The following ZNF215 variants were observed in gnomAD, a reference collection of about 807,000 sequenced individuals.
ZNF215 encodes the protein zinc finger protein 215, also known as BWSCR2-associated zinc finger protein 2.
In ZNF215, 24 loss-of-function variants were observed where a neutral mutation model predicts 27.2. That is an observed-to-expected ratio of 0.88 (90% CI 0.64 to 1.24). ZNF215 has a LOEUF of 1.24. Ranked by LOEUF, ZNF215 falls within the 50% of genes most tolerant of loss-of-function variation. The pLI is 0.00. For missense variants in ZNF215, 675 were observed against 605.7 expected, an observed-to-expected ratio of 1.11 and a Z score of -1.20; for synonymous variants, 210 against 204.0, an observed-to-expected ratio of 1.03 and a Z score of -0.25.
intron 5 of ZNF215, among the ~76,000 whole-genome samples, chr11:6,981,876 T>C (rs376301483): frequency 1.2e-4 from 18 of 152,138 alleles, no homozygotes; most frequent in East Asian, 1.2e-3. Context: ...ATCCTTTCCC[T>C]ATTGCTTGTT....
chr11:6,981,960 T>G (rs975117584), intron 5 of ZNF215, among the ~76,000 whole-genome samples: 10 of 152,204 alleles, frequency 6.6e-5, no homozygotes, highest in African/African-American at 2.4e-4. Flanking sequence ...TGTGTTCCAT[T>G]GATCGATATC....
At chr11:6,987,534 A>T (rs938702247), downstream of ZNF215, among the ~76,000 whole-genome samples, 28 of 152,212 alleles carry the variant, frequency 1.8e-4, no homozygotes, top group African/African-American at 6.8e-4. Context: ...AAAAGTTGAA[A>T]AAAGAAAAAA....
Position 6,957,773 on chromosome 11 carries a change from G to T in ZNF215, c.*1242G>T, listed in dbSNP as rs1448597656. On this transcript the variant is annotated 3_prime_UTR_variant, in exon 7 of 7. Coordinates refer to ENST00000278319, the MANE Select transcript of ZNF215 (RefSeq NM_013250.4). ...CTTTGGGAATTTAGGCTGGAGAGAC[G>T]TCCATAGCCTTAGGTATATCATTTA... 1.0e-6 allele frequency: 1 copy of T among 985,270 alleles called. No homozygotes were observed. The highest frequency in any genetic ancestry group is 1.2e-6 in the Non-Finnish European group (1 of 829,928). The allele number at this position is 985,270 out of a possible 1,614,324, so 61.0% of individuals were successfully genotyped here.
downstream of ZNF215, among the ~76,000 whole-genome samples, chr11:6,992,804 T>A (rs927064839): frequency 1.1e-4 from 16 of 151,334 alleles, no homozygotes; most frequent in African/African-American, 3.9e-4. Context: ...GTCACATTAT[T>A]GTTAAGTAAA....
Position 6,932,675 on chromosome 11 carries a change from A to G in ZNF215, c.400+3A>G, listed in dbSNP as rs1432294950. ...GATTGAAATGCTTGAAGATGAAGGTAAGAATATAAAGAAATTAGAGGTAAA... is the reference window on the plus strand; with the variant it reads ...GATTGAAATGCTTGAAGATGAAGGTGAGAATATAAAGAAATTAGAGGTAAA... On this transcript the variant is annotated splice_donor_region_variant and intron_variant, in intron 3 of 6. Coordinates refer to ENST00000278319, the MANE Select transcript of ZNF215 (RefSeq NM_013250.4). 1 of 1,587,516 alleles carries G rather than the reference A, an allele frequency of 6.3e-7. No individual in the cohort carries two copies. The highest frequency in any genetic ancestry group is 2.2e-5 in the East Asian group (1 of 44,632).
chr11:6,945,235 T>C (rs1344649635), intron 6 of ZNF215, among the ~76,000 whole-genome samples: 1 of 151,970 alleles, frequency 6.6e-6, no homozygotes, highest in East Asian at 1.9e-4. Flanking sequence ...ATACCCTCGG[T>C]CCCCGCTCCC....
chr11:6,984,938 A>C (rs1038835), downstream of ZNF215, among the ~76,000 whole-genome samples: 152,268 of 152,270 alleles, frequency 1, 76,133 homozygotes, highest in Middle Eastern at 1. Flanking sequence ...TGCACTGGTC[A>C]CGATGGATTC....
At chr11:6,972,602 T>C (rs9666866) in intron 5 of ZNF215, among the ~76,000 whole-genome samples, 61 of 152,298 alleles carry the variant, frequency 4.0e-4, no homozygotes, top group African/African-American at 1.4e-3. Context: ...TTTTAATAAA[T>C]GGATTTTAAA....
chr11:6,946,816 C>G (rs1366992517), intron 6 of ZNF215, among the ~76,000 whole-genome samples: 1 of 152,170 alleles, frequency 6.6e-6, no homozygotes, highest in African/African-American at 2.4e-5. Flanking sequence ...TTTACCCTAC[C>G]TGTACATCTC....
chr11:6,961,368 G>A (rs1020181569), downstream of ZNF215, among the ~76,000 whole-genome samples: 7 of 152,118 alleles, frequency 4.6e-5, no homozygotes, highest in African/African-American at 1.7e-4. Flanking sequence ...TAAGGCAAAT[G>A]TAAGGTGTAG....
chr11:6,989,091 G>T (rs1384209717), downstream of ZNF215, among the ~76,000 whole-genome samples: 1 of 147,510 alleles, frequency 6.8e-6, no homozygotes, highest in African/African-American at 2.5e-5. Flanking sequence ...GGGAGGCAGA[G>T]GTTGCAGTGA....
At chr11:6,927,890 A>AT in intron 2 of ZNF215, 83 bp downstream of exon 2, 1 of 152,112 alleles carries the variant, frequency 6.6e-6, no homozygotes, top group Non-Finnish European at 1.5e-5. Context: ...TGAGTTGGAT[A>AT]TTTAATGCAT....
downstream of ZNF215, among the ~76,000 whole-genome samples, chr11:6,991,235 C>T (rs1031576063): frequency 3.9e-5 from 6 of 152,166 alleles, no homozygotes; most frequent in African/African-American, 1.2e-4. Context: ...TCTTTGCCTG[C>T]GTTTCTTCAT....
chr11:6,961,330 G>A (rs1006635786), downstream of ZNF215, among the ~76,000 whole-genome samples: 6 of 152,078 alleles, frequency 3.9e-5, no homozygotes, highest in Non-Finnish European at 5.9e-5. Flanking sequence ...GGTAGGGGTG[G>A]GAGCTGAAGA....
downstream of ZNF215, among the ~76,000 whole-genome samples, chr11:6,985,446 A>C (rs540854523): frequency 7.2e-5 from 11 of 152,272 alleles, no homozygotes; most frequent in East Asian, 2.1e-3. Context: ...TGTACTAAAC[A>C]GGCAAAATCT....
At chr11:6,987,754 TAACC>T (rs1851075623), downstream of ZNF215, among the ~76,000 whole-genome samples, 1 of 152,290 alleles carries the variant, frequency 6.6e-6, no homozygotes, top group South Asian at 2.1e-4. Context: ...TAGTCTCTAG[TAACC>T]AGTCAGTTGT....
downstream of ZNF215, among the ~76,000 whole-genome samples, chr11:6,984,883 G>T (rs796178256): frequency 1.4e-4 from 22 of 152,168 alleles, no homozygotes; most frequent in African/African-American, 4.6e-4. Flanking sequence ...CCAGTAATAG[G>T]TTCCAAAATT....
chr11:6,939,360 T>C (rs567155510), intron 3 of ZNF215, among the ~76,000 whole-genome samples: 5 of 152,290 alleles, frequency 3.3e-5, no homozygotes, highest in African/African-American at 1.2e-4. Context: ...CACAGTACAT[T>C]AGGCTCTCTG....
At position 6,943,569 on chromosome 11, in the gene ZNF215, G is replaced by C. The variant is rs534870055; in HGVS notation, c.640G>C (p.Glu214Gln). 6.2e-7 allele frequency: 1 copy of C among 1,613,916 alleles called. No individual in the cohort carries two copies. Among genetic ancestry groups the C allele is most frequent in the South Asian group, 1.1e-5 (1 of 91,042 alleles). ...AGCACATCTACTTTCCAAACCATTT[G>C]AGAGCCTTAAGTTGGAGAGTAAGAA... The part of the protein sequence containing the change: ...RKAHLLSKPF[E>Q]SLKLESKKKR... The change falls in exon 6 of 7, where the codon GAG becomes CAG. Residue 214 changes from glutamate (E) to glutamine (Q), a missense_variant. Glu to Gln is a conservative substitution (Grantham distance 29, BLOSUM62 2). Transcript: ENST00000278319.
Sources: gnomAD v4.1 joint callset for allele counts (sites outside exome capture counted in the v4.1 genomes callset) on GRCh38, gnomAD v4.1.1 for gene constraint, MANE v1.5 for transcripts, NCBI Gene and HGNC (gene_info 2026-07-23, HGNC 2026-07-21) for gene names.